Variants in RPTOR observed in about 807,000 individuals in gnomAD.
RPTOR encodes the protein regulatory-associated protein of mTOR.
In RPTOR, 21 loss-of-function variants were observed where a neutral mutation model predicts 169.9. The ratio of observed to expected loss-of-function variants is 0.12; its 90% confidence interval spans 0.09 to 0.18. RPTOR has a LOEUF of 0.18. RPTOR is among the 10% of genes least tolerant of loss of function. The probability of loss-of-function intolerance (pLI) is 1.00; values close to 1 mark genes in which losing one functional copy is unlikely to be tolerated. For synonymous variants in RPTOR, 732 were observed against 753.2 expected (o/e 0.97, Z 0.46); for missense variants, 1,133 against 1,855.9 (o/e 0.61, Z 7.16).
chr17:80,876,884 G>A (rs1368895005), intron 13 of RPTOR, among the ~76,000 whole-genome samples: 3 of 121,126 alleles, frequency 2.5e-5, no homozygotes, highest in African/African-American at 9.8e-5. Flanking sequence ...GTTTTCCACC[G>A]AGCCTGTGCC....
intron 7 of RPTOR, among the ~76,000 whole-genome samples, chr17:80,821,709 A>G (rs2067380778): frequency 6.6e-6 from 1 of 152,310 alleles, no homozygotes; most frequent in Admixed American, 6.5e-5. Context: ...GCGCGCTGGC[A>G]ATCCCCACAT....
chr17:80,814,067 G>C (rs112920164), intron 7 of RPTOR, among the ~76,000 whole-genome samples: 3 of 152,156 alleles, frequency 2.0e-5, no homozygotes, highest in African/African-American at 7.2e-5. Flanking sequence ...CTTGAGGCTG[G>C]GAGGTGGAAG....
At chr17:80,694,390 ATGTT>A (rs1940048990) in intron 3 of RPTOR, among the ~76,000 whole-genome samples, 1 of 152,236 alleles carries the variant, frequency 6.6e-6, no homozygotes, top group Admixed American at 6.5e-5. Context: ...CGCATGGTAG[ATGTT>A]TGTTCTGTGC....
chr17:80,561,622 A>G (rs868806692), intron 1 of RPTOR, among the ~76,000 whole-genome samples: 46 of 150,966 alleles, frequency 3.0e-4, no homozygotes, highest in Admixed American at 2.2e-3. Context: ...TTGTAGAAAC[A>G]GGGTTTTACC....
chr17:80,931,142 C>T (rs1358492530), intron 24 of RPTOR, among the ~76,000 whole-genome samples: 2 of 152,144 alleles, frequency 1.3e-5, no homozygotes, highest in Admixed American at 6.5e-5. Context: ...TGGTAAAAGC[C>T]GCAGCCTGGT....
intron 1 of RPTOR, among the ~76,000 whole-genome samples, chr17:80,583,644 G>A (rs1324507170): frequency 6.6e-6 from 1 of 152,190 alleles, no homozygotes; most frequent in African/African-American, 2.4e-5. Flanking sequence ...CATCTGTACT[G>A]TGAGGATCAT....
Position 80,545,104 on chromosome 17 carries a change from G to C in RPTOR, c.-526G>C, listed in dbSNP as rs116476011. 3,053 of 233,988 alleles carry C rather than the reference G, an allele frequency of 0.013. 94 individuals carry two copies. Among genetic ancestry groups the C allele is most frequent in the African/African-American group, 0.063 (2,859 of 45,468 alleles). The allele number at this position is 233,988 out of a possible 1,614,324, so 14.5% of individuals were successfully genotyped here. ...GCCGGTCGTGGCTCTGGTTGCAGCA[G>C]CTCAGACGAGTGCGGGACCCGCAGG... On this transcript the variant is annotated 5_prime_UTR_variant, in exon 1 of 34. Transcript: ENST00000306801.
In RPTOR at chr17:80,643,764, C is replaced by A; in HGVS notation, c.302C>A (p.Thr101Asn). 1 of 1,613,802 alleles carries A rather than the reference C, an allele frequency of 6.2e-7. No homozygotes were observed. Among genetic ancestry groups the A allele is most frequent in the Non-Finnish European group, 8.5e-7 (1 of 1,179,892 alleles). The change falls in exon 3 of 34, where the codon ACC becomes AAC. Residue 101 changes from threonine to asparagine, a missense_variant. Physicochemically the swap from Thr to Asn is moderately conservative, Grantham distance 65. Transcript: ENST00000306801. ...ATGGGTCCTCAGAAAGCTCTGGAAA[C>A]CATCGGTGCAAATTTACAGAAGCAG... The part of the protein sequence containing the change: ...LSMGPQKALE[T>N]IGANLQKQYE...
chr17:80,666,734 T>TG (rs2065782757), intron 3 of RPTOR, among the ~76,000 whole-genome samples: 1 of 152,154 alleles, frequency 6.6e-6, no homozygotes, highest in African/African-American at 2.4e-5. Flanking sequence ...CCTGCTGTAG[T>TG]GGTGCAGAGC....
intron 3 of RPTOR, among the ~76,000 whole-genome samples, chr17:80,706,981 C>T (rs941620097): frequency 3.9e-5 from 6 of 152,106 alleles, no homozygotes; most frequent in Admixed American, 1.3e-4. Context: ...CTGTGGCTTT[C>T]GAGATGGGGT....
intron 3 of RPTOR, among the ~76,000 whole-genome samples, chr17:80,691,007 CT>C (rs1567859646): frequency 6.6e-6 from 1 of 152,154 alleles, no homozygotes; most frequent in Non-Finnish European, 1.5e-5. Context: ...GTTGCCCAGA[CT>C]GGTTTTTAAT....
intron 13 of RPTOR, among the ~76,000 whole-genome samples, chr17:80,864,421 C>A (rs75758299): frequency 9.8e-4 from 139 of 141,166 alleles, no homozygotes; most frequent in African/African-American, 1.9e-3. Context: ...AAAAGGTGAG[C>A]GTGATGGCAG....
rs570963245 is a variant in RPTOR, at chr17:80,651,882, A to G, written c.348+8072A>G. On this transcript the variant is annotated intron_variant, in intron 3 of 33. Coordinates refer to ENST00000306801, the MANE Select transcript of RPTOR (RefSeq NM_020761.3). This position sits in a 1 kb window ranked among gnomAD's most constrained non-coding sequence, Gnocchi z 4.1. ...TAGCCGGGCGCAGTGGCAGGTGCCT[A>G]CTGTAGTCCCAGTTACTCAGGAGGC... Among the ~76,000 whole-genome samples, 3 of 152,234 alleles carry G rather than the reference A, an allele frequency of 2.0e-5. No homozygotes were observed. The South Asian group carries it at 6.2e-4, about 32-fold the overall frequency.
chr17:80,839,674 G>A (rs191960532), intron 10 of RPTOR, among the ~76,000 whole-genome samples: 32 of 152,330 alleles, frequency 2.1e-4, no homozygotes, highest in Admixed American at 3.9e-4. Flanking sequence ...GCGCTTTTCC[G>A]AAGAGCTCTG....
chr17:80,823,376 A>ACG lies in RPTOR; in HGVS notation c.1136+153_1136+154insCG. Reference sequence around the variant, plus strand: ...AAGTGAAGCTAAATGCAGGGCTCCCAGAGATCTCCACACAGAGGAGTGGGG... The same window carrying ACG: ...AAGTGAAGCTAAATGCAGGGCTCCCACGGAGATCTCCACACAGAGGAGTGGGG... On this transcript the variant is annotated intron_variant, in intron 9 of 33. Transcript: ENST00000306801. The surrounding 1 kb of genome is among the most constrained non-coding windows in gnomAD (Gnocchi z 4.5). The ACG allele has an allele frequency of 1.2e-6, 1 of 857,694 alleles. No homozygotes were observed. The highest frequency in any genetic ancestry group is 2.2e-5 in the South Asian group (1 of 44,910). The allele number at this position is 857,694 out of a possible 1,614,324, so 53.1% of individuals were successfully genotyped here.
chr17:80,738,004 T>G, intron 5 of RPTOR, among the ~76,000 whole-genome samples: 1 of 150,886 alleles, frequency 6.6e-6, no homozygotes, highest in Non-Finnish European at 1.5e-5. Flanking sequence ...GAAGCCACTG[T>G]GAGAGGTTAA....
At chr17:80,634,283 T>TGTGTGCGTACTGTGTGC (rs1567830471) in intron 2 of RPTOR, among the ~76,000 whole-genome samples, 2 of 120,328 alleles carry the variant, frequency 1.7e-5, no homozygotes, top group Non-Finnish European at 3.9e-5. Context: ...GCGTACTGTG[T>TGTGTGCGTACTGTGTGC]GTGTGCGTAC....
At chr17:80,887,077 G>A (rs905639371) in intron 17 of RPTOR, among the ~76,000 whole-genome samples, 13 of 152,208 alleles carry the variant, frequency 8.5e-5, no homozygotes, top group African/African-American at 3.1e-4. Flanking sequence ...AGCCAACAGA[G>A]CTGATAACGC....
chr17:80,735,131 GGGGTGACTAAA>G (rs1248126395), intron 5 of RPTOR, among the ~76,000 whole-genome samples: 8 of 152,220 alleles, frequency 5.3e-5, no homozygotes, highest in Non-Finnish European at 8.8e-5. Context: ...GTGTGGTTGA[GGGGTGACTAAA>G]GGGAGTGGAC....
Sources: gnomAD v4.1 joint callset for allele counts (sites outside exome capture counted in the v4.1 genomes callset) on GRCh38, gnomAD v4.1.1 for gene constraint, Gnocchi (gnomAD v3.1) non-coding constraint, MANE v1.5 for transcripts, NCBI Gene and HGNC (gene_info 2026-07-23, HGNC 2026-07-21) for gene names.